The following HIVEP2 variants were observed in gnomAD, a reference collection of about 807,000 sequenced individuals.
HIVEP2 encodes the protein HIVEP zinc finger 2.
Under a neutral mutation model 180.7 loss-of-function variants are expected in HIVEP2, and 14 were observed. The observed-to-expected ratio is 0.08, with a 90% CI of 0.05 to 0.12. HIVEP2 has a LOEUF of 0.12. Ranked by LOEUF, HIVEP2 falls within the 10% of genes least tolerant of loss-of-function variation. The probability of loss-of-function intolerance (pLI) is 1.00; values close to 1 mark genes in which losing one functional copy is unlikely to be tolerated. For synonymous variants in HIVEP2, 1,184 were observed against 1,136.4 expected (o/e 1.04, Z -0.84); for missense variants, 2,579 against 3,008.5 (o/e 0.86, Z 3.34).
At chr6:142,838,575 A>G (rs771235449) in intron 1 of HIVEP2, among the ~76,000 whole-genome samples, 12 of 152,096 alleles carry the variant, frequency 7.9e-5, no homozygotes, top group Non-Finnish European at 1.5e-4. Flanking sequence ...CTCTCAAATA[A>G]TATTTGGTAG....
chr6:142,782,633 T>A (rs1775886513), intron 3 of HIVEP2, among the ~76,000 whole-genome samples: 1 of 152,204 alleles, frequency 6.6e-6, no homozygotes, highest in Non-Finnish European at 1.5e-5. Context: ...CTCTATTATA[T>A]ACAATCCTGC....
chr6:142,820,777 C>T (rs1338687426), intron 2 of HIVEP2, among the ~76,000 whole-genome samples: 4 of 151,906 alleles, frequency 2.6e-5, no homozygotes, highest in Admixed American at 6.6e-5. Context: ...TGGAACAGTA[C>T]ACCTCATAAC....
intron 1 of HIVEP2, among the ~76,000 whole-genome samples, chr6:142,941,072 G>C (rs961631245): frequency 1.3e-5 from 2 of 152,234 alleles, no homozygotes; most frequent in East Asian, 3.9e-4. Context: ...CAAATGATGA[G>C]TAATGGGAGT....
At chr6:142,814,921 T>C (rs1251303694) in intron 2 of HIVEP2, among the ~76,000 whole-genome samples, 1 of 152,060 alleles carries the variant, frequency 6.6e-6, no homozygotes, top group Non-Finnish European at 1.5e-5. Context: ...TACCACAGAC[T>C]GGGTAATTTA....
intron 2 of HIVEP2, among the ~76,000 whole-genome samples, chr6:142,805,483 T>C (rs1211073748): frequency 6.7e-6 from 1 of 149,354 alleles, no homozygotes; most frequent in African/African-American, 2.5e-5. Flanking sequence ...GCTCTTTCTG[T>C]TGGTGGAAGA....
chr6:142,805,899 A>T (rs968103941), intron 2 of HIVEP2, among the ~76,000 whole-genome samples: 5 of 152,188 alleles, frequency 3.3e-5, no homozygotes, highest in Non-Finnish European at 7.3e-5. Flanking sequence ...GCCTGGTGCC[A>T]GGTCTACAAT....
At chr6:142,791,325 A>G (rs962611231) in intron 2 of HIVEP2, among the ~76,000 whole-genome samples, 2 of 152,176 alleles carry the variant, frequency 1.3e-5, no homozygotes, top group Non-Finnish European at 2.9e-5. Flanking sequence ...ACCAGGAAAG[A>G]CTAGACAGAG....
intron 1 of HIVEP2, among the ~76,000 whole-genome samples, chr6:142,897,609 A>T (rs994031524): frequency 6.6e-6 from 1 of 152,220 alleles, no homozygotes; most frequent in African/African-American, 2.4e-5. Flanking sequence ...GACGCAGAGC[A>T]TATGATTCCA....
intron 1 of HIVEP2, among the ~76,000 whole-genome samples, chr6:142,888,530 T>C (rs1776767714): frequency 6.6e-6 from 1 of 152,226 alleles, no homozygotes; most frequent in South Asian, 2.1e-4. Flanking sequence ...GCTTCCAAAA[T>C]ATTTCATGGG....
chr6:142,889,263 G>A (rs545106624), intron 1 of HIVEP2, among the ~76,000 whole-genome samples: 1 of 152,160 alleles, frequency 6.6e-6, no homozygotes, highest in African/African-American at 2.4e-5. Flanking sequence ...TTGAGTCCAG[G>A]AGATGGAGAC....
intron 9 of HIVEP2, among the ~76,000 whole-genome samples, chr6:142,757,093 A>T (rs949372465): frequency 6.6e-6 from 1 of 152,106 alleles, no homozygotes; most frequent in Non-Finnish European, 1.5e-5. Context: ...TTTCTTCCCA[A>T]CCTGTGTTGG....
rs917303655 is a variant in HIVEP2 at position 142,769,885 on chromosome 6, G to A, written c.4854C>T (p.Asn1618=). Residue 1618 remains asparagine, a synonymous_variant, in exon 5 of 10, where the codon AAC becomes AAT. Coordinates refer to ENST00000367603, the MANE Select transcript of HIVEP2 (RefSeq NM_006734.4). ...TGAGAAGAAGAGTTGAGTCTGCCAC[G>A]TTCCCGCTGGGGGCAGAGGCCATGC... is the stretch of plus-strand genomic sequence containing the variant. ...LVRMASAPSG[N]VADSTLLLTD... is the part of the protein sequence containing the mutation. 21 of 1,613,972 alleles carry A rather than the reference G, an allele frequency of 1.3e-5. No homozygotes were observed. The highest frequency in any genetic ancestry group is 1.8e-5 in the Non-Finnish European group (21 of 1,180,028).
chr6:142,818,223 T>C (rs1776894464), intron 2 of HIVEP2, among the ~76,000 whole-genome samples: 1 of 152,118 alleles, frequency 6.6e-6, no homozygotes, highest in Non-Finnish European at 1.5e-5. Flanking sequence ...TTTTGTCCAA[T>C]GTACAAGCTC....
At position 142,753,370 on chromosome 6, in the gene HIVEP2, T is replaced by C. The variant is rs778119103; in HGVS notation, c.7078A>G (p.Asn2360Asp). The change falls in exon 10 of 10, where the codon AAC becomes GAC. Residue 2360 changes from asparagine (N) to aspartate (D), a missense_variant. Asn to Asp is a conservative substitution (Grantham distance 23). This residue lies in a region of HIVEP2 where 660 missense variants were observed against 731.7 expected (regional missense o/e 0.90). Coordinates refer to ENST00000367603, the MANE Select transcript of HIVEP2 (RefSeq NM_006734.4). ...QPARVQEPHQ[N>D]PLGSAHVSIR... ...CTAACATGTGCACTTCCCAGGGGGT[T>C]CTGGTGGGGCTCCTGCACCCGCGCT... 3 of 1,614,036 alleles carry C rather than the reference T, an allele frequency of 1.9e-6. No homozygotes were observed. The highest frequency in any genetic ancestry group is 3.3e-5 in the Admixed American group (2 of 60,018).
intron 1 of HIVEP2, among the ~76,000 whole-genome samples, chr6:142,935,265 A>T (rs1025496045): frequency 6.6e-6 from 1 of 152,172 alleles, no homozygotes. Flanking sequence ...GTGCACAGAC[A>T]GGCTGGGTGC....
intron 1 of HIVEP2, among the ~76,000 whole-genome samples, chr6:142,920,452 C>T (rs558521033): frequency 5.9e-5 from 9 of 152,260 alleles, no homozygotes; most frequent in African/African-American, 2.2e-4. Flanking sequence ...TCCTCTCTGA[C>T]AACCAAGACC....
chr6:142,859,896 TAAAAG>T (rs2114952342), intron 1 of HIVEP2, among the ~76,000 whole-genome samples: 1 of 144,922 alleles, frequency 6.9e-6, no homozygotes, highest in East Asian at 2.0e-4. Context: ...AAGAAAATGA[TAAAAG>T]AAGTGTTTAT....
intron 7 of HIVEP2, 152 bp from the exon 8 acceptor site, chr6:142,761,717 C>T (rs1775243270): frequency 3.2e-6 from 2 of 631,242 alleles, no homozygotes; most frequent in Admixed American, 5.0e-5. Flanking sequence ...CTTGTTTCAA[C>T]CTTAAGAAGA....
intron 6 of HIVEP2, among the ~76,000 whole-genome samples, chr6:142,766,047 A>G (rs918778679): frequency 6.6e-6 from 1 of 152,196 alleles, no homozygotes; most frequent in Non-Finnish European, 1.5e-5. Context: ...CACTAAATTT[A>G]CAGTTTTTTT....
Sources: gnomAD v4.1 joint callset for allele counts (sites outside exome capture counted in the v4.1 genomes callset) on GRCh38, gnomAD v4.1.1 for gene constraint, gnomAD v4.1.1 regional missense constraint, MANE v1.5 for transcripts, NCBI Gene and HGNC (gene_info 2026-07-23, HGNC 2026-07-21) for gene names.